Variants in MIR2052HG observed in about 807,000 individuals in gnomAD.
MIR2052HG encodes the protein MIR2052 host gene.
intron 1 of MIR2052HG, chr8:74,603,637 A>C: frequency 2.3e-6 from 3 of 1,316,372 alleles, no homozygotes; most frequent in Non-Finnish European, 3.3e-6. Flanking sequence ...TGGCTGTGGA[A>C]TGGCAAACTG....
intron 1 of MIR2052HG, chr8:74,600,019 AC>A (rs1807966482): frequency 6.5e-6 from 1 of 152,854 alleles, no homozygotes; most frequent in Non-Finnish European, 1.5e-5. Context: ...CCTTTCTTTG[AC>A]TCGGAAAGGG....
chr8:74,687,021 T>C (rs1281943540), intron 2 of MIR2052HG, among the ~76,000 whole-genome samples: 1 of 152,170 alleles, frequency 6.6e-6, no homozygotes, highest in African/African-American at 2.4e-5. Context: ...TAGGCTCATC[T>C]GGCTTTTAAA....
intron 2 of MIR2052HG, among the ~76,000 whole-genome samples, chr8:74,649,636 C>A (rs1808731703): frequency 6.6e-6 from 1 of 151,950 alleles, no homozygotes; most frequent in Non-Finnish European, 1.5e-5. Flanking sequence ...TTTTACAATT[C>A]ATTTTTAAAT....
chr8:74,726,392 A>G (rs1053412254), intron 4 of MIR2052HG, among the ~76,000 whole-genome samples: 2 of 152,154 alleles, frequency 1.3e-5, no homozygotes, highest in Admixed American at 6.5e-5. Flanking sequence ...GATCTAAAAC[A>G]TTGTTTCTAA....
chr8:74,687,564 T>C (rs1265150361), intron 2 of MIR2052HG, among the ~76,000 whole-genome samples: 1 of 152,110 alleles, frequency 6.6e-6, no homozygotes, highest in Non-Finnish European at 1.5e-5. Context: ...TTATACTAAG[T>C]AGAATAAGCC....
chr8:74,740,362 G>A (rs538946055), intron 4 of MIR2052HG, among the ~76,000 whole-genome samples: 1 of 152,252 alleles, frequency 6.6e-6, no homozygotes, highest in Non-Finnish European at 1.5e-5. Context: ...TACTTGGGAG[G>A]CTGAGGCAGG....
At chr8:74,678,563 C>CAAAAAAAAAA (rs763073114) in intron 2 of MIR2052HG, among the ~76,000 whole-genome samples, 2 of 53,520 alleles carry the variant, frequency 3.7e-5, no homozygotes, top group Non-Finnish European at 6.9e-5. Context: ...GAGTTTGTCT[C>CAAAAAAAAAA]AAAAAAAAAA....
chr8:74,757,854 T>G (rs1810021344), intron 5 of MIR2052HG: 1 of 152,056 alleles, frequency 6.6e-6, no homozygotes, highest in African/African-American at 2.4e-5. Context: ...GCTAGTTCCT[T>G]TGTGGGGAAA....
chr8:74,722,116 G>T (rs1809583689), intron 4 of MIR2052HG, among the ~76,000 whole-genome samples: 1 of 152,148 alleles, frequency 6.6e-6, no homozygotes, highest in Non-Finnish European at 1.5e-5. Context: ...GGTTGAGGCT[G>T]CAGTGAGCCA....
At chr8:74,602,830 T>TTTCC (rs1808029120) in intron 1 of MIR2052HG, among the ~76,000 whole-genome samples, 1 of 131,932 alleles carries the variant, frequency 7.6e-6, no homozygotes, top group Non-Finnish European at 1.6e-5. Flanking sequence ...TCTTTCTTTC[T>TTTCC]TTCTTTCTTT....
intron 2 of MIR2052HG, among the ~76,000 whole-genome samples, chr8:74,682,502 A>G (rs889765407): frequency 4.6e-5 from 7 of 152,166 alleles, no homozygotes; most frequent in Admixed American, 4.6e-4. Flanking sequence ...CATTTCAACA[A>G]AGGGAAAACA....
chr8:74,624,169 G>A (rs181488771), intron 2 of MIR2052HG, among the ~76,000 whole-genome samples: 6 of 152,144 alleles, frequency 3.9e-5, no homozygotes, highest in Admixed American at 2.6e-4. Flanking sequence ...ATTTTTTTCC[G>A]GGAACAATTA....
chr8:74,687,799 C>G (rs1054647711), intron 2 of MIR2052HG, among the ~76,000 whole-genome samples: 14 of 152,090 alleles, frequency 9.2e-5, no homozygotes, highest in Admixed American at 9.2e-4. Flanking sequence ...TTGTACAGTT[C>G]AAAATTTATT....
chr8:74,738,913 A>G (rs144561521), intron 4 of MIR2052HG, among the ~76,000 whole-genome samples: 1 of 152,318 alleles, frequency 6.6e-6, no homozygotes, highest in East Asian at 1.9e-4. Flanking sequence ...AGGAGATGAA[A>G]ATGTTTTGAG....
intron 4 of MIR2052HG, among the ~76,000 whole-genome samples, chr8:74,733,170 C>T (rs578074393): frequency 3.9e-5 from 6 of 151,926 alleles, no homozygotes; most frequent in South Asian, 4.2e-4. Flanking sequence ...CATGCTGGTG[C>T]GCTGCACCCA....
At chr8:74,731,764 G>A in intron 4 of MIR2052HG, among the ~76,000 whole-genome samples, 1 of 152,236 alleles carries the variant, frequency 6.6e-6, no homozygotes, top group East Asian at 1.9e-4. Flanking sequence ...GAGCAGGAGT[G>A]ACTTCACTTA....
chr8:74,602,876 T>TCTTTTCTTTCTTTCTTTCTTTC (rs1554570015), intron 1 of MIR2052HG, among the ~76,000 whole-genome samples: 59 of 137,088 alleles, frequency 4.3e-4, no homozygotes, highest in East Asian at 8.9e-4. Flanking sequence ...TTTCTTTCTT[T>TCTTTTCTTTCTTTCTTTCTTTC]TTTCTATTCA....
At chr8:74,650,215 C>A (rs1353453911) in intron 2 of MIR2052HG, among the ~76,000 whole-genome samples, 1 of 152,132 alleles carries the variant, frequency 6.6e-6, no homozygotes, top group Non-Finnish European at 1.5e-5. Flanking sequence ...AATTTCATCA[C>A]CCCTTTCAGT....
intron 4 of MIR2052HG, among the ~76,000 whole-genome samples, chr8:74,707,208 C>T (rs2128741391): frequency 6.6e-6 from 1 of 152,148 alleles, no homozygotes; most frequent in African/African-American, 2.4e-5. Context: ...TGAGGCACTG[C>T]TGGGTGCTAT....
Sources: gnomAD v4.1 joint callset for allele counts (sites outside exome capture counted in the v4.1 genomes callset) on GRCh38, gnomAD v4.1.1 for gene constraint, MANE v1.5 for transcripts, NCBI Gene and HGNC (gene_info 2026-07-23, HGNC 2026-07-21) for gene names.